Variants in SPATA13 observed in about 807,000 individuals in gnomAD.
SPATA13 encodes spermatogenesis-associated protein 13.
In SPATA13, 50 loss-of-function variants were observed where a neutral mutation model predicts 104.0. The observed-to-expected ratio is 0.48, with a 90% CI of 0.38 to 0.61. SPATA13 has a LOEUF of 0.61. SPATA13 is among the 20% of genes least tolerant of loss of function. The pLI is 0.00. For missense variants in SPATA13, 1,524 were observed against 1,690.6 expected, an observed-to-expected ratio of 0.90 and a Z score of 1.73; for synonymous variants, 606 against 667.5, an observed-to-expected ratio of 0.91 and a Z score of 1.42.
At chr13:24,301,864 C>G (rs1269584707) in intron 12 of SPATA13, among the ~76,000 whole-genome samples, 1 of 152,210 alleles carries the variant, frequency 6.6e-6, no homozygotes, top group East Asian at 1.9e-4. Flanking sequence ...ATATTGAGGG[C>G]ACAGTTCTAA....
intron 3 of SPATA13, among the ~76,000 whole-genome samples, chr13:24,109,731 G>C (rs9553179): frequency 8.6e-5 from 13 of 151,698 alleles, no homozygotes; most frequent in Non-Finnish European, 1.5e-4. Flanking sequence ...TTGCCCCCCA[G>C]ATTACATGGA....
intron 3 of SPATA13, among the ~76,000 whole-genome samples, chr13:24,060,957 T>A (rs1468871328): frequency 6.6e-6 from 1 of 152,138 alleles, no homozygotes; most frequent in Non-Finnish European, 1.5e-5. Context: ...GAGAATCACT[T>A]GAACCTTGGA....
intron 3 of SPATA13, among the ~76,000 whole-genome samples, chr13:24,115,767 G>A (rs1880813816): frequency 6.6e-6 from 1 of 152,208 alleles, no homozygotes; most frequent in Admixed American, 6.5e-5. Flanking sequence ...GGTATCAGCG[G>A]AGGCCGTATT....
chr13:24,250,644 C>G (rs947787857), intron 3 of SPATA13, among the ~76,000 whole-genome samples: 5 of 152,154 alleles, frequency 3.3e-5, no homozygotes, highest in Admixed American at 3.3e-4. Context: ...TTGTATACGT[C>G]TACATTTTTC....
At position 24,052,107 on chromosome 13, in the gene SPATA13, C is replaced by T. The variant is rs554028166; in HGVS notation, c.-112+34406C>T. Among the ~76,000 whole-genome samples the T allele has an allele frequency of 2.0e-5, 3 of 151,852 alleles. No individual in the cohort carries two copies. In the East Asian group the frequency reaches 5.8e-4, roughly 29 times the overall value. On this transcript the variant is annotated intron_variant, in intron 3 of 14. Coordinates refer to the SPATA13 transcript ENST00000424834. The stretch of plus-strand genomic sequence containing the variant: ...CATCCTGTGCTGTGTCCAGGCTCCT[C>T]GGGTCTCTGTGCTTAACGCAATTCC...
At chr13:24,000,736 G>T (rs952799350) in intron 2 of SPATA13, among the ~76,000 whole-genome samples, 1 of 152,060 alleles carries the variant, frequency 6.6e-6, no homozygotes, top group African/African-American at 2.4e-5. Context: ...GAGAGCTCTG[G>T]GTCAGAGGCA....
At chr13:24,037,887 C>T (rs903266084) in intron 3 of SPATA13, among the ~76,000 whole-genome samples, 11 of 151,938 alleles carry the variant, frequency 7.2e-5, no homozygotes, top group Non-Finnish European at 1.5e-4. Flanking sequence ...CTCCTTTCCC[C>T]CCAGTAAAAG....
intron 4 of SPATA13, among the ~76,000 whole-genome samples, chr13:24,265,363 C>T (rs1354008150): frequency 1.3e-5 from 2 of 152,184 alleles, no homozygotes; most frequent in Admixed American, 6.5e-5. Flanking sequence ...TCACTGTGAC[C>T]TGTAGATTAA....
At chr13:24,230,469 G>A (rs1324920372) in intron 2 of SPATA13, among the ~76,000 whole-genome samples, 3 of 152,178 alleles carry the variant, frequency 2.0e-5, no homozygotes, top group South Asian at 2.1e-4. Context: ...CCCGGGCGGC[G>A]GTTGCAGAAG....
intron 4 of SPATA13, chr13:24,270,647 C>A: frequency 9.1e-7 from 1 of 1,101,992 alleles, no homozygotes; most frequent in Non-Finnish European, 1.3e-6. Context: ...GTCACTGTAG[C>A]CACTAACCCT....
intron 3 of SPATA13, among the ~76,000 whole-genome samples, chr13:24,120,145 C>T (rs150862172): frequency 1.8e-4 from 28 of 152,268 alleles, no homozygotes; most frequent in African/African-American, 6.7e-4. Flanking sequence ...GCCCTGTCTC[C>T]CTCTGTTCCT....
At chr13:24,204,681 A>G (rs949414234) in intron 1 of SPATA13, among the ~76,000 whole-genome samples, 3 of 152,210 alleles carry the variant, frequency 2.0e-5, no homozygotes, top group Non-Finnish European at 4.4e-5. Flanking sequence ...GGTACTTCAA[A>G]TAATTGGAAT....
chr13:24,048,247 T>C (rs1240634601), intron 3 of SPATA13, among the ~76,000 whole-genome samples: 1 of 152,258 alleles, frequency 6.6e-6, no homozygotes, highest in Non-Finnish European at 1.5e-5. Context: ...TAGTGTTGTC[T>C]CACTATGCTT....
chr13:24,064,178 C>CA (rs1330266930), intron 3 of SPATA13, among the ~76,000 whole-genome samples: 4 of 152,220 alleles, frequency 2.6e-5, no homozygotes, highest in African/African-American at 9.6e-5. Flanking sequence ...ACCAGCCTGT[C>CA]ACAGATCACT....
rs138645455 is a variant in SPATA13 at position 24,045,245 on chromosome 13, T to G, written c.-112+27544T>G. 2.9e-3 allele frequency among the ~76,000 whole-genome samples: 444 copies of G among 152,374 alleles called. 2 individuals are homozygous for G. The highest frequency in any genetic ancestry group is 7.7e-3 in the African/African-American group (322 of 41,586). ...TTCCTTTTATCAGATAAGATTTATG[T>G]TCTTCTTGTCTTCCAGAAAGCTTAG... On this transcript the variant is annotated intron_variant, in intron 3 of 14. Transcript: ENST00000424834.
intron 5 of SPATA13, among the ~76,000 whole-genome samples, chr13:24,285,978 G>A (rs1875906134): frequency 6.6e-6 from 1 of 152,178 alleles, no homozygotes; most frequent in Non-Finnish European, 1.5e-5. Flanking sequence ...ACCACGCCCA[G>A]TTTAAGCGCT....
At chr13:24,042,802 A>G (rs559824115) in intron 3 of SPATA13, among the ~76,000 whole-genome samples, 2 of 152,276 alleles carry the variant, frequency 1.3e-5, no homozygotes, top group Admixed American at 1.3e-4. Flanking sequence ...CATCTTACCA[A>G]GCTCTCCCAG....
intron 3 of SPATA13, among the ~76,000 whole-genome samples, chr13:24,085,993 G>C (rs551920356): frequency 7.9e-5 from 12 of 152,332 alleles, no homozygotes; most frequent in Non-Finnish European, 1.6e-4. Context: ...GAAGCAAGTG[G>C]AGAGAGGATG....
chr13:24,227,852 G>A (rs1046732154), intron 2 of SPATA13, among the ~76,000 whole-genome samples: 3 of 152,050 alleles, frequency 2.0e-5, no homozygotes, highest in South Asian at 2.1e-4. Context: ...TTATAGGTGT[G>A]AGCCACCACG....
Sources: allele counts gnomAD v4.1 joint callset (sites outside exome capture counted in the v4.1 genomes callset), GRCh38; gene constraint gnomAD v4.1.1; transcripts MANE v1.5; gene names NCBI Gene and HGNC (gene_info 2026-07-23, HGNC 2026-07-21).